GPC5: variants seen among roughly 807,000 people sequenced by gnomAD.
GPC5 encodes the protein glypican-5.
Under a neutral mutation model 53.9 loss-of-function variants are expected in GPC5, and 47 were observed. That is an observed-to-expected ratio of 0.87 (90% CI 0.69 to 1.11). The LOEUF is 1.11. GPC5 is among the 50% of genes most tolerant of loss of function. The probability of loss-of-function intolerance (pLI) is 0.00; values close to 1 mark genes in which losing one functional copy is unlikely to be tolerated. For missense variants in GPC5, 748 were observed against 713.1 expected, an observed-to-expected ratio of 1.05 and a Z score of -0.56; for synonymous variants, 286 against 263.3, an observed-to-expected ratio of 1.09 and a Z score of -0.84.
chr13:92,136,013 T>C (rs996302496), intron 6 of GPC5, among the ~76,000 whole-genome samples: 42 of 152,186 alleles, frequency 2.8e-4, no homozygotes, highest in African/African-American at 9.9e-4. Context: ...ATTTGTAAAA[T>C]ATGTTTGTAA....
chr13:92,784,297 G>T (rs929888070), intron 7 of GPC5, among the ~76,000 whole-genome samples: 1 of 152,100 alleles, frequency 6.6e-6, no homozygotes, highest in South Asian at 2.1e-4. Context: ...ATTAGTGGGT[G>T]CATTCTACTT....
chr13:92,854,286 T>C lies in GPC5; in HGVS notation c.1562-11996T>C, dbSNP rs192010099. Among the ~76,000 whole-genome samples, 13 of 142,764 alleles carry C rather than the reference T, an allele frequency of 9.1e-5. 1 individual carries two copies. The highest frequency in any genetic ancestry group is 3.4e-4 in the Admixed American group (5 of 14,536). 93.7% of individuals were successfully genotyped at this position (142,764 alleles called of 152,430 possible). ...ATTGAATATAGATATCCTATATATATATAGAAAAATATATATATTTATTGA... is the reference window on the plus strand; with the variant it reads ...ATTGAATATAGATATCCTATATATACATAGAAAAATATATATATTTATTGA... On this transcript the variant is annotated intron_variant, in intron 7 of 7. Coordinates refer to ENST00000377067, the MANE Select transcript of GPC5 (RefSeq NM_004466.6).
chr13:92,363,405 T>C (rs1025639125), intron 7 of GPC5, among the ~76,000 whole-genome samples: 2 of 151,644 alleles, frequency 1.3e-5, no homozygotes, highest in African/African-American at 2.4e-5. Context: ...GAGGGAGGGA[T>C]GGTTTCAGGA....
intron 6 of GPC5, among the ~76,000 whole-genome samples, chr13:92,132,921 A>G: frequency 6.6e-6 from 1 of 152,150 alleles, no homozygotes; most frequent in East Asian, 1.9e-4. Flanking sequence ...TCTAAAGCAA[A>G]TGTTACAATG....
chr13:92,189,628 G>A (rs2042209511), intron 7 of GPC5, among the ~76,000 whole-genome samples: 1 of 152,000 alleles, frequency 6.6e-6, no homozygotes, highest in African/African-American at 2.4e-5. Flanking sequence ...GAGACTGAAC[G>A]AGTATGAGAA....
At chr13:92,416,043 A>G (rs1159512382) in intron 7 of GPC5, among the ~76,000 whole-genome samples, 2 of 152,244 alleles carry the variant, frequency 1.3e-5, no homozygotes, top group African/African-American at 4.8e-5. Flanking sequence ...ATAAGCAGTG[A>G]CACTGAAGGA....
chr13:92,590,797 C>T (rs376046244), intron 7 of GPC5, among the ~76,000 whole-genome samples: 1 of 152,154 alleles, frequency 6.6e-6, no homozygotes, highest in African/African-American at 2.4e-5. Context: ...TGAGCACTTT[C>T]CATTTGTCAA....
chr13:91,438,900 T>G (rs1880203744), intron 1 of GPC5, among the ~76,000 whole-genome samples: 1 of 152,210 alleles, frequency 6.6e-6, no homozygotes, highest in African/African-American at 2.4e-5. Context: ...CCTTGCAGTT[T>G]GATCTCAGAC....
At chr13:92,263,091 C>G (rs1038352478) in intron 7 of GPC5, among the ~76,000 whole-genome samples, 12 of 152,040 alleles carry the variant, frequency 7.9e-5, no homozygotes, top group Admixed American at 2.0e-4. Flanking sequence ...TTCAAAGTCT[C>G]TCTTCATTGT....
rs1279810457 is a variant in GPC5 at position 91,689,230 on chromosome 13, T to C, written c.326-3957T>C. On this transcript the variant is annotated intron_variant, in intron 2 of 7. Coordinates refer to ENST00000377067, the MANE Select transcript of GPC5 (RefSeq NM_004466.6). Reference sequence around the variant, plus strand: ...ATATATATATATATATATATATATATACACATATAAAATTATGGTATAAAT... The same window carrying C: ...ATATATATATATATATATATATATACACACATATAAAATTATGGTATAAAT... Among the ~76,000 whole-genome samples, 391 of 81,044 alleles carry C rather than the reference T, an allele frequency of 4.8e-3. 2 individuals are homozygous for C. Among genetic ancestry groups the C allele is most frequent in the African/African-American group, 0.014 (262 of 18,412 alleles). The allele number at this position is 81,044 out of a possible 152,430, so 53.2% of individuals were successfully genotyped here.
At chr13:92,657,324 T>C (rs1303352731) in intron 7 of GPC5, among the ~76,000 whole-genome samples, 1 of 152,142 alleles carries the variant, frequency 6.6e-6, no homozygotes, top group Non-Finnish European at 1.5e-5. Context: ...GTTCCAGAAA[T>C]AAAACTGCAA....
chr13:91,540,227 T>C (rs940686603), intron 2 of GPC5, among the ~76,000 whole-genome samples: 1 of 152,156 alleles, frequency 6.6e-6, no homozygotes, highest in Non-Finnish European at 1.5e-5. Context: ...CCTTCCAGAC[T>C]CTCTTCAGGG....
chr13:92,124,248 GAAAAAAA>G (rs34042033), intron 6 of GPC5, among the ~76,000 whole-genome samples: 3 of 55,000 alleles, frequency 5.5e-5, no homozygotes, highest in African/African-American at 7.2e-5. Flanking sequence ...CGGACAGAAT[GAAAAAAA>G]AAAAAAAAAA....
At chr13:91,750,830 T>C (rs2037159745) in intron 4 of GPC5, among the ~76,000 whole-genome samples, 1 of 151,962 alleles carries the variant, frequency 6.6e-6, no homozygotes, top group Admixed American at 6.6e-5. Flanking sequence ...GCCCGGCTAA[T>C]TTTGTATTTT....
At chr13:92,139,828 C>T (rs988296634) in intron 6 of GPC5, among the ~76,000 whole-genome samples, 4 of 151,968 alleles carry the variant, frequency 2.6e-5, no homozygotes, top group African/African-American at 9.7e-5. Flanking sequence ...AACACTATTC[C>T]ATTAGATATA....
At chr13:91,409,603 A>G (rs1877575013) in intron 1 of GPC5, among the ~76,000 whole-genome samples, 1 of 152,190 alleles carries the variant, frequency 6.6e-6, no homozygotes. Flanking sequence ...GGAAAAGCAG[A>G]CTTGTCACCT....
chr13:92,694,765 TG>T (rs915081629), intron 7 of GPC5, among the ~76,000 whole-genome samples: 18 of 152,178 alleles, frequency 1.2e-4, no homozygotes, highest in African/African-American at 4.1e-4. Flanking sequence ...GGGGGATTCT[TG>T]GGAAGACATG....
chr13:92,237,572 A>G (rs1253438451), intron 7 of GPC5, among the ~76,000 whole-genome samples: 2 of 152,110 alleles, frequency 1.3e-5, no homozygotes, highest in Non-Finnish European at 2.9e-5. Flanking sequence ...TCATGATCAT[A>G]TAATTATTTT....
intron 2 of GPC5, among the ~76,000 whole-genome samples, chr13:91,648,453 A>T (rs1324966523): frequency 6.6e-6 from 1 of 152,064 alleles, no homozygotes; most frequent in Non-Finnish European, 1.5e-5. Flanking sequence ...AACAACAGAA[A>T]ATTCAGCTGT....
Sources: allele counts gnomAD v4.1 joint callset (sites outside exome capture counted in the v4.1 genomes callset), GRCh38; gene constraint gnomAD v4.1.1; transcripts MANE v1.5; gene names NCBI Gene and HGNC (gene_info 2026-07-23, HGNC 2026-07-21).